ATP8B4: variants seen among roughly 807,000 people sequenced by gnomAD.
ATP8B4 encodes the protein probable phospholipid-transporting ATPase IM.
Under a neutral mutation model 145.6 loss-of-function variants are expected in ATP8B4, and 133 were observed. The ratio of observed to expected loss-of-function variants is 0.91; its 90% CI spans 0.79 to 1.05. The LOEUF (loss-of-function observed/expected upper bound fraction) is 1.05, where lower values mean the gene tolerates loss of function less well. ATP8B4 is among the 50% of genes least tolerant of loss of function. The pLI, the probability that ATP8B4 is intolerant of heterozygous loss-of-function variation, is 0.00. For synonymous variants in ATP8B4, 507 were observed against 492.9 expected (o/e 1.03, Z -0.38); for missense variants, 1,458 against 1,425.2 (o/e 1.02, Z -0.37).
intron 7 of ATP8B4, among the ~76,000 whole-genome samples, chr15:50,003,123 T>C (rs1342215649): frequency 2.0e-5 from 3 of 152,218 alleles, no homozygotes; most frequent in African/African-American, 7.2e-5. Flanking sequence ...GAATGTATGA[T>C]TGGCATTCCA....
intron 20 of ATP8B4, among the ~76,000 whole-genome samples, chr15:49,913,056 C>T (rs1000267900): frequency 6.0e-5 from 9 of 151,184 alleles, no homozygotes; most frequent in South Asian, 2.1e-4. Context: ...ACTTGAGCCC[C>T]GGAGGTCGAT....
At chr15:49,899,328 C>T (rs1052964828) in intron 21 of ATP8B4, among the ~76,000 whole-genome samples, 1 of 152,182 alleles carries the variant, frequency 6.6e-6, no homozygotes, top group Non-Finnish European at 1.5e-5. Flanking sequence ...TCCTCTTTTA[C>T]AGTATTTGTC....
intron 6 of ATP8B4, among the ~76,000 whole-genome samples, chr15:50,033,279 T>C (rs2050587675): frequency 6.6e-6 from 1 of 152,186 alleles, no homozygotes; most frequent in African/African-American, 2.4e-5. Context: ...CACAAAAAGC[T>C]TACAGTCAAG....
chr15:49,983,655 T>G (rs2046348131), intron 10 of ATP8B4, among the ~76,000 whole-genome samples: 1 of 152,206 alleles, frequency 6.6e-6, no homozygotes, highest in South Asian at 2.1e-4. Flanking sequence ...AAGATTAAGC[T>G]TTTCACAATT....
chr15:49,908,151 T>C (rs923786407), intron 20 of ATP8B4: 3 of 455,090 alleles, frequency 6.6e-6, no homozygotes, highest in African/African-American at 4.0e-5. Flanking sequence ...CTGCCTACAA[T>C]ACTCTTCCAG....
chr15:50,018,474 A>G (rs981402933), intron 6 of ATP8B4, among the ~76,000 whole-genome samples: 4 of 152,238 alleles, frequency 2.6e-5, no homozygotes, highest in Admixed American at 1.3e-4. Context: ...GTGGAAAAAT[A>G]TAAGTCTGGC....
At chr15:49,901,899 G>A (rs537716684) in intron 20 of ATP8B4, 1 of 373,418 alleles carries the variant, frequency 2.7e-6, no homozygotes, top group African/African-American at 2.2e-5. Flanking sequence ...AATATAGAGG[G>A]TTGTTCCAAA....
chr15:49,869,630 G>A (rs1033060648), intron 25 of ATP8B4, among the ~76,000 whole-genome samples: 1 of 152,076 alleles, frequency 6.6e-6, no homozygotes, highest in African/African-American at 2.4e-5. Context: ...AACTTAATAG[G>A]AATCATAATC....
chr15:50,005,099 A>C (rs2048202347), intron 7 of ATP8B4, among the ~76,000 whole-genome samples: 1 of 152,158 alleles, frequency 6.6e-6, no homozygotes, highest in Non-Finnish European at 1.5e-5. Flanking sequence ...ACCACCTATC[A>C]TATGCCCCAT....
chr15:50,058,799 G>A (rs1297524415), intron 3 of ATP8B4, among the ~76,000 whole-genome samples: 1 of 151,714 alleles, frequency 6.6e-6, no homozygotes, highest in African/African-American at 2.4e-5. Flanking sequence ...CCAGGTTGGG[G>A]AGTAAATCTA....
intron 9 of ATP8B4, among the ~76,000 whole-genome samples, chr15:49,990,625 T>C (rs913555125): frequency 6.6e-6 from 1 of 152,104 alleles, no homozygotes; most frequent in Non-Finnish European, 1.5e-5. Context: ...GGATCGTTGG[T>C]TAATTACCAA....
intron 16 of ATP8B4, among the ~76,000 whole-genome samples, chr15:49,927,825 T>C (rs7181616): frequency 0.24 from 37,083 of 151,998 alleles, 5,208 homozygotes; most frequent in Non-Finnish European, 0.31. Flanking sequence ...GAACGGCATG[T>C]GTGCTCATCA....
intron 10 of ATP8B4, among the ~76,000 whole-genome samples, chr15:49,985,365 G>A (rs1432411292): frequency 6.6e-6 from 1 of 152,048 alleles, no homozygotes; most frequent in African/African-American, 2.4e-5. Context: ...CAAAGTGCTG[G>A]GATTACAGGC....
At chr15:50,153,344 T>A (rs980865417) in intron 1 of ATP8B4, among the ~76,000 whole-genome samples, 4 of 148,720 alleles carry the variant, frequency 2.7e-5, no homozygotes, top group African/African-American at 9.8e-5. Context: ...AGATACACCT[T>A]TTTTTTTTTT....
rs142616370 is a variant in ATP8B4 at position 50,117,500 on chromosome 15, G to A, written c.-43+1623C>T. Among the ~76,000 whole-genome samples, 4 of 151,886 alleles carry A rather than the reference G, an allele frequency of 2.6e-5. No homozygotes were observed. The East Asian group carries it at 5.8e-4, about 22-fold the overall frequency. ...CCCACCCACAAAAAAATCCTCCAGG[G>A]GCACAAAAAAAATCATTTGTTCCCT... is the stretch of plus-strand genomic sequence containing the variant. On this transcript the variant is annotated intron_variant, in intron 1 of 27. Coordinates refer to ENST00000284509, the MANE Select transcript of ATP8B4 (RefSeq NM_024837.4).
intron 7 of ATP8B4, chr15:50,009,733 A>G: frequency 2.2e-6 from 1 of 452,634 alleles, no homozygotes; most frequent in South Asian, 1.6e-5. Flanking sequence ...AAGTAAATAG[A>G]TTGCGAGTGA....
At chr15:49,976,807 T>C (rs1470619485) in intron 12 of ATP8B4, among the ~76,000 whole-genome samples, 2 of 152,226 alleles carry the variant, frequency 1.3e-5, no homozygotes, top group Admixed American at 6.5e-5. Context: ...TCTTTTACAA[T>C]AGCAGAGAAA....
At chr15:49,943,553 G>C (rs2042331726) in intron 14 of ATP8B4, among the ~76,000 whole-genome samples, 1 of 152,104 alleles carries the variant, frequency 6.6e-6, no homozygotes, top group Non-Finnish European at 1.5e-5. Context: ...AGTCCAGGAG[G>C]GAGTGGGACA....
intron 1 of ATP8B4, among the ~76,000 whole-genome samples, 151 bp from the exon 2 acceptor site, chr15:50,107,159 C>T (rs571887354): frequency 7.9e-5 from 12 of 152,242 alleles, no homozygotes; most frequent in African/African-American, 2.9e-4. Context: ...GGCTTTAGTC[C>T]AGCCAGATAA....
Sources: gnomAD v4.1 joint callset for allele counts (sites outside exome capture counted in the v4.1 genomes callset) on GRCh38, gnomAD v4.1.1 for gene constraint, MANE v1.5 for transcripts, NCBI Gene and HGNC (gene_info 2026-07-23, HGNC 2026-07-21) for gene names.